Variants in SCN7A observed in about 807,000 individuals in gnomAD.
SCN7A encodes sodium voltage-gated channel alpha subunit 7, also known as sodium channel protein type 7 subunit alpha.
In SCN7A, 138 loss-of-function variants were observed where a neutral mutation model predicts 155.2. That is an observed-to-expected ratio of 0.89 (90% CI 0.77 to 1.02). The LOEUF is 1.02. Among genes scored for constraint, SCN7A ranks in the 50% least tolerant of loss-of-function variants. The pLI is 0.00. For missense variants in SCN7A, 2,058 were observed against 1,986.6 expected (o/e 1.04, Z -0.68); for synonymous variants, 693 against 649.0 (o/e 1.07, Z -1.03).
At chr2:166,459,442 A>G (rs562936502) in intron 10 of SCN7A, among the ~76,000 whole-genome samples, 1 of 152,252 alleles carries the variant, frequency 6.6e-6, no homozygotes, top group Non-Finnish European at 1.5e-5. Flanking sequence ...TGTAAACATA[A>G]TTTTGTTCCC....
intron 10 of SCN7A, chr2:166,461,859 G>GC (rs1702416679): frequency 6.6e-6 from 1 of 152,392 alleles, no homozygotes; most frequent in African/African-American, 2.4e-5. Flanking sequence ...GGAGGCTGAG[G>GC]CGGGAGGATC....
In SCN7A at chr2:166,447,662, G is replaced by A. The variant is rs1458655613; in HGVS notation, c.1337C>T (p.Thr446Ile). The A allele has an allele frequency of 1.9e-6, 3 of 1,613,224 alleles. No individual in the cohort carries two copies. The highest frequency in any genetic ancestry group is 3.3e-4 in the Middle Eastern group (2 of 6,034). The change falls in exon 12 of 26, where the codon ACA (threonine) becomes ATA (isoleucine). Residue 446 changes from threonine (T) to isoleucine (I), a missense_variant. Coordinates refer to ENST00000643258, the MANE Select transcript of SCN7A (RefSeq NM_002976.4). ...IEMKKRSPIS[T>I]DTSLDVLEDA... Reference sequence around the variant, plus strand: ...TTCCAACACATCCAATGATGTGTCTGTGGAAATTGGTGACCTTTTCTTCAT... The same window carrying A: ...TTCCAACACATCCAATGATGTGTCTATGGAAATTGGTGACCTTTTCTTCAT...
rs192351811 is a variant in SCN7A at position 166,485,140 on chromosome 2, G to T, written c.-15+1716C>A. Among the ~76,000 whole-genome samples, 185 of 152,246 alleles carry T rather than the reference G, an allele frequency of 1.2e-3. 1 individual carries two copies. Among genetic ancestry groups the T allele is most frequent in the African/African-American group, 4.3e-3 (177 of 41,552 alleles). ...TGAGTGAAAGAAGTCTGACATGAAAGATTACAAACTATATGATCCAATTTA... is the reference window on the plus strand; with the variant it reads ...TGAGTGAAAGAAGTCTGACATGAAATATTACAAACTATATGATCCAATTTA... On this transcript the variant is annotated intron_variant, in intron 2 of 25. Coordinates refer to ENST00000643258, the MANE Select transcript of SCN7A (RefSeq NM_002976.4).
At chr2:166,465,577 A>T (rs754735441) in intron 8 of SCN7A, 46 bp from the exon 9 acceptor site, 2 of 1,415,968 alleles carry the variant, frequency 1.4e-6, no homozygotes, top group Non-Finnish European at 9.8e-7. Flanking sequence ...ATTATGAGTT[A>T]GCACCACAGT....
At chr2:166,484,898 T>C (rs1214681086) in intron 2 of SCN7A, among the ~76,000 whole-genome samples, 1 of 152,010 alleles carries the variant, frequency 6.6e-6, no homozygotes, top group Non-Finnish European at 1.5e-5. Flanking sequence ...TGGACATGTC[T>C]ATGTTTAAGA....
intron 11 of SCN7A, among the ~76,000 whole-genome samples, chr2:166,455,249 AT>A (rs1467658456): frequency 1.3e-5 from 2 of 152,068 alleles, no homozygotes; most frequent in Non-Finnish European, 2.9e-5. Context: ...TTATTGAAAT[AT>A]TTTTTGATCT....
intron 1 of SCN7A, among the ~76,000 whole-genome samples, chr2:166,487,928 T>C (rs1389479344): frequency 1.3e-5 from 2 of 152,334 alleles, no homozygotes; most frequent in South Asian, 2.1e-4. Context: ...ACAATTATGC[T>C]GTACATCAGA....
intron 20 of SCN7A, among the ~76,000 whole-genome samples, chr2:166,420,066 TG>T (rs1235649191): frequency 1.3e-5 from 2 of 152,052 alleles, no homozygotes; most frequent in African/African-American, 4.8e-5. Flanking sequence ...ATATAACTAA[TG>T]TACTTAAGTA....
chr2:166,424,792 T>A (rs1701586989), intron 18 of SCN7A, among the ~76,000 whole-genome samples: 1 of 152,014 alleles, frequency 6.6e-6, no homozygotes, highest in Admixed American at 6.6e-5. Context: ...ATGGGAACGA[T>A]GGAAATCACA....
chr2:166,449,626 G>A (rs574342807), intron 11 of SCN7A, among the ~76,000 whole-genome samples: 1 of 152,056 alleles, frequency 6.6e-6, no homozygotes, highest in African/African-American at 2.4e-5. Context: ...TTTTTTTCCA[G>A]TGGGTAAAGT....
At chr2:166,486,137 A>G (rs1270693256) in intron 2 of SCN7A, among the ~76,000 whole-genome samples, 1 of 151,872 alleles carries the variant, frequency 6.6e-6, no homozygotes, top group Admixed American at 6.6e-5. Context: ...CATCCCTGGG[A>G]CTCTTCGGGA....
intron 11 of SCN7A, among the ~76,000 whole-genome samples, chr2:166,448,245 C>T (rs1311458962): frequency 6.6e-6 from 1 of 152,130 alleles, no homozygotes; most frequent in Non-Finnish European, 1.5e-5. Flanking sequence ...TTTCACTTAA[C>T]ATAACCTCAA....
chr2:166,488,847 A>G (rs566577260), intron 1 of SCN7A, among the ~76,000 whole-genome samples: 2 of 152,150 alleles, frequency 1.3e-5, no homozygotes, highest in East Asian at 3.9e-4. Context: ...CATGTTGGCC[A>G]GGCTGGTTTC....
At chr2:166,471,725 T>TGGG (rs71820372) in intron 6 of SCN7A, among the ~76,000 whole-genome samples, 19 of 134,746 alleles carry the variant, frequency 1.4e-4, no homozygotes, top group Admixed American at 1.3e-3. Flanking sequence ...CCAGAAAATG[T>TGGG]GGGGGGGGGG....
At chr2:166,414,232 A>ATAT (rs1359619124) in intron 21 of SCN7A, among the ~76,000 whole-genome samples, 1,637 of 79,952 alleles carry the variant, frequency 0.02, 329 homozygotes, top group Non-Finnish European at 0.029. Flanking sequence ...AAATATATAT[A>ATAT]TCTATATATG....
At position 166,472,321 on chromosome 2, in the gene SCN7A, A is replaced by G. The variant is rs764281447; in HGVS notation, c.568T>C (p.Phe190Leu). ...WNWLDFSVTV[F>L]EVIIRYSPLD... ...TCAATTTAAAGAAATACTCACTCAA[A>G]CACAGTTACGCTGAAATCGAGCCAG... The change falls in exon 6 of 26, where the codon TTT becomes CTT. Residue 190 changes from phenylalanine (F) to leucine (L), a missense_variant. By Grantham distance (22) the Phe-to-Leu change is conservative. Transcript: ENST00000643258. The G allele has an allele frequency of 4.4e-6, 7 of 1,598,916 alleles. No individual in the cohort carries two copies. The highest frequency in any genetic ancestry group is 6.0e-6 in the Non-Finnish European group (7 of 1,173,914).
chr2:166,444,624 A>C, intron 13 of SCN7A, 138 bp downstream of exon 13: 1 of 608,088 alleles, frequency 1.6e-6, no homozygotes. Flanking sequence ...GCATAAACAC[A>C]ATGCTTCATT....
chr2:166,426,204 C>T (rs148452930), intron 18 of SCN7A, among the ~76,000 whole-genome samples: 1 of 152,180 alleles, frequency 6.6e-6, no homozygotes, highest in East Asian at 1.9e-4. Context: ...CAGAAGATTG[C>T]TATTTTTCAG....
intron 3 of SCN7A, 95 bp downstream of exon 3, chr2:166,477,367 TC>T: frequency 1.2e-6 from 1 of 825,092 alleles, no homozygotes; most frequent in Non-Finnish European, 1.8e-6. Context: ...TCCCTGTTTT[TC>T]ATTATCTTTT....
Sources: gnomAD v4.1 joint callset for allele counts (sites outside exome capture counted in the v4.1 genomes callset) on GRCh38, gnomAD v4.1.1 for gene constraint, MANE v1.5 for transcripts, NCBI Gene and HGNC (gene_info 2026-07-23, HGNC 2026-07-21) for gene names.